The following CSMD1 variants were observed in gnomAD, a reference collection of about 807,000 sequenced individuals.
The protein encoded by CSMD1 is CUB and Sushi multiple domains 1.
Under a neutral mutation model 417.5 loss-of-function variants are expected in CSMD1, and 213 were observed. The observed-to-expected ratio is 0.51, with a 90% CI of 0.46 to 0.57. The LOEUF (loss-of-function observed/expected upper bound fraction) is 0.57, where lower values mean the gene tolerates loss of function less well. Ranked by LOEUF, CSMD1 falls within the 20% of genes least tolerant of loss-of-function variation. The pLI is 0.00. For synonymous variants in CSMD1, 2,862 were observed against 1,736.8 expected, an observed-to-expected ratio of 1.65 and a Z score of -16.11; for missense variants, 6,923 against 4,529.7, an observed-to-expected ratio of 1.53 and a Z score of -15.17.
chr8:4,643,366 T>A (rs1803324472), intron 1 of CSMD1, among the ~76,000 whole-genome samples: 1 of 152,212 alleles, frequency 6.6e-6, no homozygotes, highest in Non-Finnish European at 1.5e-5. Context: ...GATTACTTTC[T>A]GACAGGCAGA....
At position 3,799,717 on chromosome 8, in the gene CSMD1, A is replaced by G. The variant is rs374699856; in HGVS notation, c.819-45675T>C. On this transcript the variant is annotated intron_variant, in intron 5 of 69. Transcript: ENST00000635120. ...GTTAAGTCTGCCAGCTGAACGTTTG[A>G]CATTCTGTGCATTGTTTTATAATAA... 9.9e-5 allele frequency among the ~76,000 whole-genome samples: 15 copies of G among 152,042 alleles called. No homozygotes were observed. In the Middle Eastern group the frequency reaches 0.01, roughly 103 times the overall value.
intron 1 of CSMD1, among the ~76,000 whole-genome samples, chr8:4,711,033 G>C (rs976368769): frequency 6.6e-6 from 1 of 151,530 alleles, no homozygotes; most frequent in Non-Finnish European, 1.5e-5. Context: ...TTTCTAGTTA[G>C]CAACTAAAGA....
intron 5 of CSMD1, among the ~76,000 whole-genome samples, chr8:3,879,342 T>C (rs919525124): frequency 6.7e-6 from 1 of 148,718 alleles, no homozygotes; most frequent in Non-Finnish European, 1.5e-5. Context: ...AAGATTATTA[T>C]TCATTAGAAT....
At chr8:3,967,266 C>A (rs1306691705) in intron 5 of CSMD1, among the ~76,000 whole-genome samples, 3 of 138,474 alleles carry the variant, frequency 2.2e-5, no homozygotes, top group South Asian at 2.7e-4. Flanking sequence ...TTTTTTAATT[C>A]TCTCTCTATA....
intron 2 of CSMD1, among the ~76,000 whole-genome samples, chr8:4,565,749 C>CATATATAT (rs58696547): frequency 1.4e-4 from 16 of 118,426 alleles, no homozygotes; most frequent in Non-Finnish European, 1.8e-4. Context: ...AAAATATATA[C>CATATATAT]ATATATATAT....
At chr8:3,788,059 G>T (rs1202551880) in intron 5 of CSMD1, among the ~76,000 whole-genome samples, 2 of 152,154 alleles carry the variant, frequency 1.3e-5, no homozygotes, top group African/African-American at 2.4e-5. Context: ...GGCTCAAAAA[G>T]CCTCTCCATC....
intron 7 of CSMD1, among the ~76,000 whole-genome samples, chr8:3,695,778 C>A (rs1481834883): frequency 6.6e-6 from 1 of 152,174 alleles, no homozygotes; most frequent in Non-Finnish European, 1.5e-5. Context: ...ACATGATGAA[C>A]TGGATTCAGA....
rs189744720 is a variant in CSMD1 at position 4,580,643 on chromosome 8, A to C, written c.302+56699T>G. On this transcript the variant is annotated intron_variant, in intron 2 of 69. Coordinates refer to ENST00000635120, the MANE Select transcript of CSMD1 (RefSeq NM_033225.6). ...CTTCTTCTTCGTGGCATCACATAAGACATTCTCTTCTACCCTGGCTGAGCA... is the reference window on the plus strand; with the variant it reads ...CTTCTTCTTCGTGGCATCACATAAGCCATTCTCTTCTACCCTGGCTGAGCA... Among the ~76,000 whole-genome samples, 4 of 152,212 alleles carry C rather than the reference A, an allele frequency of 2.6e-5. No homozygotes were observed. In the East Asian group the frequency reaches 7.8e-4, roughly 30 times the overall value.
chr8:4,466,231 G>A (rs1331661663), intron 2 of CSMD1, among the ~76,000 whole-genome samples: 2 of 152,032 alleles, frequency 1.3e-5, no homozygotes, highest in African/African-American at 2.4e-5. Flanking sequence ...GATCTCTCCT[G>A]GCTATCCTTC....
chr8:3,575,286 A>G (rs760206928), intron 9 of CSMD1, among the ~76,000 whole-genome samples: 3 of 151,998 alleles, frequency 2.0e-5, no homozygotes, highest in East Asian at 1.9e-4. Context: ...ACGCTGGGAC[A>G]CTTCATTTTT....
chr8:3,189,451 A>G (rs1796282127), intron 34 of CSMD1, among the ~76,000 whole-genome samples: 1 of 152,240 alleles, frequency 6.6e-6, no homozygotes, highest in Non-Finnish European at 1.5e-5. Flanking sequence ...TCAAGTGCTA[A>G]TCATGATTGC....
chr8:4,152,722 C>A (rs1446877310), intron 3 of CSMD1, among the ~76,000 whole-genome samples: 2 of 151,852 alleles, frequency 1.3e-5, no homozygotes, highest in Non-Finnish European at 2.9e-5. Flanking sequence ...TACATATACA[C>A]ACACACAATA....
intron 10 of CSMD1, among the ~76,000 whole-genome samples, chr8:3,520,019 C>CATATATATATATATATATATATAT (rs1491479503): frequency 9.3e-4 from 106 of 113,980 alleles, no homozygotes; most frequent in African/African-American, 4.1e-3. Flanking sequence ...TGTGTATATA[C>CATATATATATATATATATATATAT]CTATATATAT....
chr8:3,574,382 A>G (rs1205937609), intron 10 of CSMD1, among the ~76,000 whole-genome samples: 1 of 152,184 alleles, frequency 6.6e-6, no homozygotes, highest in African/African-American at 2.4e-5. Context: ...CTGGGATGAC[A>G]GGTGCCTGCC....
intron 3 of CSMD1, among the ~76,000 whole-genome samples, chr8:4,352,870 A>G (rs1037561641): frequency 6.6e-6 from 1 of 152,126 alleles, no homozygotes; most frequent in Non-Finnish European, 1.5e-5. Context: ...TTTTGTATTG[A>G]TCGTCAGCCA....
At chr8:3,622,920 T>A (rs949499933) in intron 7 of CSMD1, among the ~76,000 whole-genome samples, 1 of 152,220 alleles carries the variant, frequency 6.6e-6, no homozygotes, top group Non-Finnish European at 1.5e-5. Flanking sequence ...AAGAGAGGAA[T>A]TACTGGGCTT....
At chr8:3,805,711 C>T (rs1223362320) in intron 5 of CSMD1, among the ~76,000 whole-genome samples, 1 of 152,012 alleles carries the variant, frequency 6.6e-6, no homozygotes, top group Admixed American at 6.6e-5. Flanking sequence ...TCCTATCTTT[C>T]TTCTTTTTTT....
intron 5 of CSMD1, among the ~76,000 whole-genome samples, chr8:3,907,053 G>C (rs1189296675): frequency 6.6e-6 from 1 of 152,114 alleles, no homozygotes; most frequent in Non-Finnish European, 1.5e-5. Context: ...GCTTACTAAA[G>C]TTTCCAAATG....
At chr8:3,636,637 A>G (rs955628175) in intron 7 of CSMD1, among the ~76,000 whole-genome samples, 2 of 152,220 alleles carry the variant, frequency 1.3e-5, no homozygotes, top group Admixed American at 6.5e-5. Context: ...CCTACAAAAC[A>G]AATCATGACG....
Sources: allele counts gnomAD v4.1 joint callset (sites outside exome capture counted in the v4.1 genomes callset), GRCh38; gene constraint gnomAD v4.1.1; transcripts MANE v1.5; gene names NCBI Gene and HGNC (gene_info 2026-07-23, HGNC 2026-07-21).